Variants in SCARA5 observed in about 807,000 individuals in gnomAD.
SCARA5 encodes the protein scavenger receptor class A member 5.
SCARA5 carries 45 observed loss-of-function variants against 46.3 expected under a neutral mutation model. The observed-to-expected ratio is 0.97, with a 90% CI of 0.76 to 1.24. The LOEUF (loss-of-function observed/expected upper bound fraction) is 1.24, where lower values mean the gene tolerates loss of function less well. Ranked by LOEUF, SCARA5 falls within the 50% of genes most tolerant of loss-of-function variation. SCARA5 has a pLI of 0.00. For missense variants in SCARA5, 680 were observed against 689.0 expected, an observed-to-expected ratio of 0.99 and a Z score of 0.15; for synonymous variants, 333 against 306.5, an observed-to-expected ratio of 1.09 and a Z score of -0.90.
At chr8:27,944,343 C>T (rs1483645534) in intron 3 of SCARA5, among the ~76,000 whole-genome samples, 1 of 152,130 alleles carries the variant, frequency 6.6e-6, no homozygotes, top group African/African-American at 2.4e-5. Context: ...TGATATAAGA[C>T]AATGTCCTTG....
chr8:27,931,496 G>T (rs1807772032), intron 3 of SCARA5, among the ~76,000 whole-genome samples: 1 of 152,022 alleles, frequency 6.6e-6, no homozygotes, highest in Non-Finnish European at 1.5e-5. Context: ...GTCAGGCCTG[G>T]TATGTGTGAT....
chr8:27,875,514 A>G (rs1806710415), intron 8 of SCARA5, among the ~76,000 whole-genome samples: 1 of 152,172 alleles, frequency 6.6e-6, no homozygotes, highest in East Asian at 1.9e-4. Flanking sequence ...TTAAAAGCTG[A>G]GTAGGAATTC....
chr8:27,896,512 T>C (rs1807065684), intron 7 of SCARA5, among the ~76,000 whole-genome samples: 1 of 152,146 alleles, frequency 6.6e-6, no homozygotes, highest in Admixed American at 6.5e-5. Context: ...CATGGTTCCC[T>C]CCTCAGTTAG....
chr8:27,890,783 C>T (rs1446974997), intron 7 of SCARA5, among the ~76,000 whole-genome samples: 2 of 152,240 alleles, frequency 1.3e-5, no homozygotes, highest in African/African-American at 4.8e-5. Context: ...TTGTGCTGCC[C>T]TTCTGAAGGT....
At chr8:27,972,402 A>G (rs1808462278) in intron 2 of SCARA5, among the ~76,000 whole-genome samples, 1 of 152,212 alleles carries the variant, frequency 6.6e-6, no homozygotes, top group Non-Finnish European at 1.5e-5. Flanking sequence ...CCTGTGTATC[A>G]GAGGCATCTT....
chr8:27,974,950 G>A (rs1808501271), intron 2 of SCARA5, among the ~76,000 whole-genome samples: 1 of 152,080 alleles, frequency 6.6e-6, no homozygotes. Flanking sequence ...AAGCTCTTGG[G>A]ATTTCCAGAG....
chr8:27,936,773 A>G (rs1807864515), intron 3 of SCARA5, among the ~76,000 whole-genome samples: 1 of 151,966 alleles, frequency 6.6e-6, no homozygotes, highest in African/African-American at 2.4e-5. Flanking sequence ...ACGGATTTCC[A>G]TATTAGGATG....
chr8:27,953,291 T>C (rs1168863713), intron 3 of SCARA5, among the ~76,000 whole-genome samples: 1 of 152,218 alleles, frequency 6.6e-6, no homozygotes, highest in Admixed American at 6.5e-5. Context: ...CCCTTTGCTC[T>C]TCCTGCCCAC....
intron 3 of SCARA5, among the ~76,000 whole-genome samples, chr8:27,926,095 C>T (rs1807675604): frequency 6.6e-6 from 1 of 152,206 alleles, no homozygotes; most frequent in Non-Finnish European, 1.5e-5. Context: ...AGTGCCATTA[C>T]TGGGTATACA....
At chr8:27,876,138 A>C (rs1451655566) in intron 8 of SCARA5, among the ~76,000 whole-genome samples, 1 of 152,234 alleles carries the variant, frequency 6.6e-6, no homozygotes, top group Non-Finnish European at 1.5e-5. Flanking sequence ...CCACACTTGT[A>C]GATAAGCGTG....
chr8:27,935,731 C>A (rs1807844706), intron 3 of SCARA5, among the ~76,000 whole-genome samples: 1 of 152,136 alleles, frequency 6.6e-6, no homozygotes, highest in Non-Finnish European at 1.5e-5. Context: ...GATTCTAGGA[C>A]CAGGCTGTTG....
intron 3 of SCARA5, among the ~76,000 whole-genome samples, chr8:27,964,419 C>A (rs1272073714): frequency 6.6e-6 from 1 of 152,148 alleles, no homozygotes; most frequent in Non-Finnish European, 1.5e-5. Context: ...CAGAAAAATG[C>A]TGGAACAATT....
intron 7 of SCARA5, among the ~76,000 whole-genome samples, chr8:27,884,090 G>A (rs1009431505): frequency 6.6e-6 from 1 of 152,150 alleles, no homozygotes; most frequent in Non-Finnish European, 1.5e-5. Flanking sequence ...GAAGCCACCA[G>A]GAAGCGACCC....
intron 1 of SCARA5, among the ~76,000 whole-genome samples, chr8:27,991,268 T>C (rs547961314): frequency 2.0e-5 from 3 of 152,330 alleles, no homozygotes; most frequent in South Asian, 4.1e-4. Flanking sequence ...GCATGTGGCA[T>C]GACTTTATGA....
intron 3 of SCARA5, among the ~76,000 whole-genome samples, chr8:27,947,974 G>C (rs1018365118): frequency 2.0e-5 from 3 of 152,192 alleles, no homozygotes; most frequent in Admixed American, 1.3e-4. Context: ...GTTGCCAGGG[G>C]CTGGGGGAAT....
At chr8:27,901,480 C>T (rs992316677) in intron 7 of SCARA5, among the ~76,000 whole-genome samples, 6 of 152,158 alleles carry the variant, frequency 3.9e-5, no homozygotes, top group Non-Finnish European at 8.8e-5. Context: ...CTAAGAAACC[C>T]TCAGACATGG....
rs77816668 is a variant in SCARA5 at position 27,871,461 on chromosome 8, C to T, written c.*473G>A. 5.9e-4 allele frequency: 579 copies of T among 989,312 alleles called. 9 individuals are homozygous for T. The African/African-American group carries it at 9.2e-3, about 16-fold the overall frequency. 61.3% of individuals were successfully genotyped at this position (989,312 alleles called of 1,614,324 possible). ...TAAAGGGGGGAAATTCATCACTTGACGTTGCCTCTTGCTGGGGAGGAAGAT... is the reference window on the plus strand; with the variant it reads ...TAAAGGGGGGAAATTCATCACTTGATGTTGCCTCTTGCTGGGGAGGAAGAT... On this transcript the variant is annotated 3_prime_UTR_variant, in exon 9 of 9. Transcript: ENST00000354914.
At chr8:27,921,503 AGGG>A (rs1175384618) in intron 4 of SCARA5, 65 bp downstream of exon 4, 5 of 1,353,502 alleles carry the variant, frequency 3.7e-6, no homozygotes, top group Non-Finnish European at 5.0e-6. Context: ...GTCCTTGGGG[AGGG>A]GCGTGCAGGA....
chr8:27,887,712 T>C (rs1222325817), intron 7 of SCARA5, among the ~76,000 whole-genome samples: 1 of 152,100 alleles, frequency 6.6e-6, no homozygotes, highest in African/African-American at 2.4e-5. Context: ...TCCCCAGAAC[T>C]GGGGACCACA....
Sources: allele counts gnomAD v4.1 joint callset (sites outside exome capture counted in the v4.1 genomes callset), GRCh38; gene constraint gnomAD v4.1.1; transcripts MANE v1.5; gene names NCBI Gene and HGNC (gene_info 2026-07-23, HGNC 2026-07-21).